Variants in NAA25 observed in about 807,000 individuals in gnomAD.
The protein encoded by NAA25 is N-alpha-acetyltransferase 25, NatB auxiliary subunit, also known as N-terminal acetyltransferase B complex subunit NAA25.
In NAA25, 30 loss-of-function variants were observed where a neutral mutation model predicts 132.5. That is an observed-to-expected ratio of 0.23 (90% CI 0.17 to 0.31). NAA25 has a LOEUF of 0.31. Among genes scored for constraint, NAA25 ranks in the 10% least tolerant of loss-of-function variants. The probability of loss-of-function intolerance (pLI) is 1.00; values close to 1 mark genes in which losing one functional copy is unlikely to be tolerated. For missense variants in NAA25, 771 were observed against 1,150.4 expected, an observed-to-expected ratio of 0.67 and a Z score of 4.77; for synonymous variants, 359 against 401.9, an observed-to-expected ratio of 0.89 and a Z score of 1.28.
intron 5 of NAA25, 36 bp downstream of exon 5, chr12:112,081,024 A>G: frequency 6.5e-7 from 1 of 1,547,032 alleles, no homozygotes; most frequent in Non-Finnish European, 8.9e-7. Context: ...AAAAAATAAA[A>G]CCAAACCTCA....
At chr12:112,078,553 C>T (rs529197802) in intron 6 of NAA25, 81 bp downstream of exon 6, 2 of 1,279,046 alleles carry the variant, frequency 1.6e-6, no homozygotes, top group Non-Finnish European at 2.2e-6. Flanking sequence ...TGGAACAAAA[C>T]AACAGTTCAT....
At chr12:112,050,564 G>A (rs1173976699) in intron 15 of NAA25, among the ~76,000 whole-genome samples, 1 of 150,146 alleles carries the variant, frequency 6.7e-6, no homozygotes, top group Non-Finnish European at 1.5e-5. Flanking sequence ...AAGAGTGACA[G>A]CTGGAGTGCA....
chr12:112,027,144 T>C lies in NAA25; in HGVS notation c.*2387A>G, dbSNP rs943605015. On this transcript the variant is annotated 3_prime_UTR_variant, in exon 24 of 24. Coordinates refer to ENST00000261745, the MANE Select transcript of NAA25 (RefSeq NM_024953.4). ...GTCTGTAAACAGTAGTCGTGATTTTTCTCCTTTCCTTTTTTAAATATCAGT... is the reference window on the plus strand; with the variant it reads ...GTCTGTAAACAGTAGTCGTGATTTTCCTCCTTTCCTTTTTTAAATATCAGT... 6.6e-6 allele frequency: 1 copy of C among 152,484 alleles called. No homozygotes were observed. Among genetic ancestry groups the C allele is most frequent in the South Asian group, 2.1e-4 (1 of 4,832 alleles). The allele number at this position is 152,484 out of a possible 1,614,324, so 9.4% of individuals were successfully genotyped here. A position where few individuals can be genotyped will look rare whatever the true frequency, so the allele number is the denominator to read the frequency against.
intron 22 of NAA25, among the ~76,000 whole-genome samples, chr12:112,036,749 G>A (rs754890120): frequency 2.0e-5 from 3 of 151,916 alleles, no homozygotes; most frequent in Admixed American, 6.6e-5. Flanking sequence ...TCAGGAGGCC[G>A]AGGGAGGAGA....
chr12:112,029,826 C>CGAATGGGTATTTTTCGATGT (rs1288256340), intron 23 of NAA25, among the ~76,000 whole-genome samples, 173 bp from the exon 24 acceptor site: 6 of 152,152 alleles, frequency 3.9e-5, no homozygotes, highest in African/African-American at 1.4e-4. Flanking sequence ...AAGGTCATCA[C>CGAATGGGTATTTTTCGATGT]GAATGGGTAT....
At chr12:112,095,213 G>A (rs1254480599) in intron 1 of NAA25, among the ~76,000 whole-genome samples, 1 of 151,810 alleles carries the variant, frequency 6.6e-6, no homozygotes, top group Non-Finnish European at 1.5e-5. Context: ...CGAGGCGGGC[G>A]GATCACGAGG....
intron 13 of NAA25, among the ~76,000 whole-genome samples, chr12:112,056,497 CAG>C (rs1203232533): frequency 6.6e-6 from 1 of 152,116 alleles, no homozygotes; most frequent in Non-Finnish European, 1.5e-5. Context: ...GTTGAGGCTA[CAG>C]AGAGCTACTA....
intron 13 of NAA25, among the ~76,000 whole-genome samples, chr12:112,059,909 G>A (rs918834558): frequency 6.6e-6 from 1 of 151,526 alleles, no homozygotes; most frequent in African/African-American, 2.4e-5. Context: ...CCAAGCTCAA[G>A]CAATTCTCCT....
At chr12:112,062,597 G>A (rs1258622239) in intron 11 of NAA25, among the ~76,000 whole-genome samples, 1 of 151,374 alleles carries the variant, frequency 6.6e-6, no homozygotes, top group Admixed American at 6.6e-5. Flanking sequence ...GTGGTGGTGG[G>A]TGCCTGTAAT....
chr12:112,028,978 G>C lies in NAA25; in HGVS notation c.*553C>G, dbSNP rs1324213829. ...CCTTCTATTGCGGGTGCATATGCCAGATCTCATCTAAGGTCCTTTGTGTAC... is the reference window on the plus strand; with the variant it reads ...CCTTCTATTGCGGGTGCATATGCCACATCTCATCTAAGGTCCTTTGTGTAC... On this transcript the variant is annotated 3_prime_UTR_variant, in exon 24 of 24. Transcript: ENST00000261745. 6.5e-6 allele frequency: 1 copy of C among 152,916 alleles called. No homozygotes were observed. Among genetic ancestry groups the C allele is most frequent in the East Asian group, 1.9e-4 (1 of 5,212 alleles). 9.5% of individuals were successfully genotyped at this position (152,916 alleles called of 1,614,324 possible). A position where few individuals can be genotyped will look rare whatever the true frequency, so the allele number is the denominator to read the frequency against.
intron 4 of NAA25, among the ~76,000 whole-genome samples, chr12:112,082,826 A>AAACTAC: frequency 6.6e-6 from 1 of 152,000 alleles, no homozygotes. Context: ...GATACATATA[A>AAACTAC]AACTACAAAT....
At chr12:112,068,289 G>A (rs1285657831) in intron 11 of NAA25, among the ~76,000 whole-genome samples, 1 of 152,134 alleles carries the variant, frequency 6.6e-6, no homozygotes, top group South Asian at 2.1e-4. Flanking sequence ...AGGGGGAGGT[G>A]GCTATTGTTA....
At position 112,053,619 on chromosome 12, in the gene NAA25, T is replaced by C; in HGVS notation, c.1667A>G (p.Tyr556Cys). Reference protein sequence around the residue: ...LTRYAESLGQYAAASQSCNFA... With the variant: ...LTRYAESLGQCAAASQSCNFA... ...GTTACAGGATTGGGACGCAGCAGCA[T>C]ACTGACCTAGAGATTCAGCATATCG... The change falls in exon 15 of 24, where the codon TAT becomes TGT. Residue 556 changes from tyrosine to cysteine, a missense_variant. By Grantham distance (194) the Tyr-to-Cys change is radical. Transcript: ENST00000261745. 6.2e-7 allele frequency: 1 copy of C among 1,608,484 alleles called. No homozygotes were observed. Among genetic ancestry groups the C allele is most frequent in the Non-Finnish European group, 8.5e-7 (1 of 1,176,986 alleles).
chr12:112,044,211 G>A (rs1038263811), intron 17 of NAA25, among the ~76,000 whole-genome samples: 1 of 151,578 alleles, frequency 6.6e-6, no homozygotes, highest in Admixed American at 6.6e-5. Context: ...GATTACAGGC[G>A]TCAGCTACCG....
intron 1 of NAA25, among the ~76,000 whole-genome samples, chr12:112,108,066 T>C (rs1476249079): frequency 6.6e-6 from 1 of 151,870 alleles, no homozygotes; most frequent in Non-Finnish European, 1.5e-5. Flanking sequence ...ACACGAGCTA[T>C]CACAATCTCT....
intron 11 of NAA25, among the ~76,000 whole-genome samples, 159 bp downstream of exon 11, chr12:112,068,721 A>G (rs868006304): frequency 6.6e-6 from 1 of 152,248 alleles, no homozygotes; most frequent in African/African-American, 2.4e-5. Context: ...TTATGCCTTC[A>G]GTGTTGTAAC....
In NAA25 at chr12:112,033,385, A is replaced by G; in HGVS notation, c.2650-6T>C. On this transcript the variant is annotated splice_region_variant and splice_polypyrimidine_tract_variant and intron_variant, in intron 22 of 23. Transcript: ENST00000261745. ...AAACTGGTAAAGACAGGTGGCTGGG[A>G]AAAAGATTAAAAAAGAGTTGAAACA... 6.3e-7 allele frequency: 1 copy of G among 1,591,010 alleles called. No homozygotes were observed. The highest frequency in any genetic ancestry group is 8.5e-7 in the Non-Finnish European group (1 of 1,172,674).
intron 4 of NAA25, among the ~76,000 whole-genome samples, chr12:112,087,325 T>C (rs1292113665): frequency 1.3e-5 from 2 of 152,230 alleles, no homozygotes; most frequent in East Asian, 3.8e-4. Context: ...ATGTAAACTT[T>C]AAAGTTACTC....
intron 11 of NAA25, chr12:112,065,798 T>A (rs2078709412): frequency 6.6e-6 from 1 of 152,206 alleles, no homozygotes; most frequent in African/African-American, 2.4e-5. Flanking sequence ...GGCTCACTCT[T>A]AGGGGCTAGT....
Sources: gnomAD v4.1 joint callset for allele counts (sites outside exome capture counted in the v4.1 genomes callset) on GRCh38, gnomAD v4.1.1 for gene constraint, MANE v1.5 for transcripts, NCBI Gene and HGNC (gene_info 2026-07-23, HGNC 2026-07-21) for gene names.